TMBIM4: variants seen among roughly 807,000 people sequenced by gnomAD.
TMBIM4 encodes transmembrane BAX inhibitor motif containing 4.
Under a neutral mutation model 27.7 loss-of-function variants are expected in TMBIM4, and 28 were observed. The observed-to-expected ratio is 1.01, with a 90% CI of 0.75 to 1.38. The LOEUF (loss-of-function observed/expected upper bound fraction) is 1.38. Ranked by LOEUF, TMBIM4 falls within the 40% of genes most tolerant of loss-of-function variation. The pLI is 0.00. For synonymous variants in TMBIM4, 115 were observed against 113.1 expected (o/e 1.02, Z -0.11); for missense variants, 265 against 277.5 (o/e 0.95, Z 0.32).
intron 1 of TMBIM4, among the ~76,000 whole-genome samples, chr12:66,162,038 G>A (rs928897845): frequency 1.3e-5 from 2 of 151,676 alleles, no homozygotes; most frequent in African/African-American, 4.8e-5. Context: ...CTTAAATCCA[G>A]GGCTCTTTCT....
At chr12:66,159,224 TC>T (rs1480386423) in intron 1 of TMBIM4, among the ~76,000 whole-genome samples, 1 of 152,202 alleles carries the variant, frequency 6.6e-6, no homozygotes, top group Non-Finnish European at 1.5e-5. Flanking sequence ...TGTGTGTGAT[TC>T]CATGACTAGG....
In TMBIM4 at chr12:66,152,307, A is replaced by AT. The variant is rs768793948; in HGVS notation, c.275dup (p.His92GlnfsTer2). On this transcript the variant is annotated frameshift_variant, in exon 3 of 7. Coordinates refer to ENST00000358230, the MANE Select transcript of TMBIM4 (RefSeq NM_016056.4). LOFTEE classifies it high-confidence loss of function. ...GTAGGTACAGGTTAAGGGGATACTT[A>AT]TGTCTGTTTAAAATCAACGCAAAAA... is the stretch of plus-strand genomic sequence containing the variant. The AT allele has an allele frequency of 1.9e-6, 3 of 1,609,538 alleles. No homozygotes were observed. The highest frequency in any genetic ancestry group is 2.5e-6 in the Non-Finnish European group (3 of 1,177,444).
intron 1 of TMBIM4, chr12:66,161,131 T>A (rs569778661): frequency 2.7e-5 from 4 of 146,310 alleles, no homozygotes; most frequent in African/African-American, 9.7e-5. Context: ...TCTCACATAA[T>A]TTTTTAGTAG....
At chr12:66,153,014 C>T (rs554101881) in intron 2 of TMBIM4, among the ~76,000 whole-genome samples, 1 of 152,126 alleles carries the variant, frequency 6.6e-6, no homozygotes, top group African/African-American at 2.4e-5. Flanking sequence ...TTTTCAAGTA[C>T]TGTCTTAGGC....
At chr12:66,140,292 C>T (rs1457875174) in intron 5 of TMBIM4, among the ~76,000 whole-genome samples, 1 of 151,928 alleles carries the variant, frequency 6.6e-6, no homozygotes, top group Non-Finnish European at 1.5e-5. Flanking sequence ...ATGGAAGATA[C>T]TATTTTTTTT....
At chr12:66,166,464 CAAAAAAAA>C (rs59822799) in intron 1 of TMBIM4, among the ~76,000 whole-genome samples, 28 of 100,686 alleles carry the variant, frequency 2.8e-4, no homozygotes, top group Non-Finnish European at 3.7e-4. Flanking sequence ...TACTTTGTCT[CAAAAAAAA>C]AAAAAAAAAA....
At chr12:66,142,243 A>G (rs1372169829) in intron 5 of TMBIM4, among the ~76,000 whole-genome samples, 1 of 151,802 alleles carries the variant, frequency 6.6e-6, no homozygotes, top group Non-Finnish European at 1.5e-5. Context: ...TGGCATACCT[A>G]AGTGAGAATG....
Position 66,137,591 on chromosome 12 carries a change from T to A in TMBIM4, c.*369A>T, listed in dbSNP as rs11833265. 1 of 203,170 alleles carries A rather than the reference T, an allele frequency of 4.9e-6. No homozygotes were observed. Among genetic ancestry groups the A allele is most frequent in the African/African-American group, 2.4e-5 (1 of 41,832 alleles). 12.6% of individuals were successfully genotyped at this position (203,170 alleles called of 1,614,324 possible). Reference sequence around the variant, plus strand: ...TTGTATTTTTAGTAGAGACGGGGTTTCACCATGTTGGCCAGGATGGTCTCA... The same window carrying A: ...TTGTATTTTTAGTAGAGACGGGGTTACACCATGTTGGCCAGGATGGTCTCA... On this transcript the variant is annotated 3_prime_UTR_variant, in exon 7 of 7. Transcript: ENST00000358230.
At position 66,153,553 on chromosome 12, in the gene TMBIM4, C is replaced by T. The variant is rs886189087; in HGVS notation, c.98-105G>A. 3.1e-5 allele frequency: 17 copies of T among 546,140 alleles called. 1 individual carries two copies. The highest frequency in any genetic ancestry group is 1.4e-4 in the East Asian group (4 of 28,910). The allele number at this position is 546,140 out of a possible 1,614,324, so 33.8% of individuals were successfully genotyped here. On this transcript the variant is annotated intron_variant, in intron 1 of 6. Coordinates refer to ENST00000358230, the MANE Select transcript of TMBIM4 (RefSeq NM_016056.4). Reference sequence around the variant, plus strand: ...AATTGTTTTTTACACGTATTCTTTCCTAATTTTCCTCCTAATAATGTAATG... The same window carrying T: ...AATTGTTTTTTACACGTATTCTTTCTTAATTTTCCTCCTAATAATGTAATG...
intron 5 of TMBIM4, chr12:66,139,737 T>C (rs1232180428): frequency 2.2e-6 from 1 of 456,002 alleles, no homozygotes; most frequent in Non-Finnish European, 4.4e-6. Flanking sequence ...GTAGCTACAT[T>C]CTGATTAATA....
chr12:66,136,311 C>A lies in TMBIM4; in HGVS notation c.*1649G>T, dbSNP rs2051580665. The A allele has an allele frequency of 6.6e-6, 1 of 152,262 alleles. No individual in the cohort carries two copies. The highest frequency in any genetic ancestry group is 1.5e-5 in the Non-Finnish European group (1 of 68,096). 9.4% of individuals were successfully genotyped at this position (152,262 alleles called of 1,614,324 possible). ...ATGATTCTAATCTAGATGCTCTTACCCACCATGCTGTTAAACTTGATTGCA... is the reference window on the plus strand; with the variant it reads ...ATGATTCTAATCTAGATGCTCTTACACACCATGCTGTTAAACTTGATTGCA... On this transcript the variant is annotated 3_prime_UTR_variant, in exon 7 of 7. Transcript: ENST00000358230.
intron 1 of TMBIM4, among the ~76,000 whole-genome samples, chr12:66,163,845 G>A (rs2052082177): frequency 6.6e-6 from 1 of 152,196 alleles, no homozygotes; most frequent in African/African-American, 2.4e-5. Context: ...TATGGAGCCT[G>A]CATTACCCTG....
chr12:66,138,175 A>C lies in TMBIM4; in HGVS notation c.511-9T>G. ...TCACTATAAAAAAAAAACTATAGGG[A>C]AGAGATTAAAGAAATATGTTTATAT... is the stretch of plus-strand genomic sequence containing the variant. On this transcript the variant is annotated splice_polypyrimidine_tract_variant and intron_variant, in intron 6 of 6. Transcript: ENST00000358230. 3.1e-6 allele frequency: 5 copies of C among 1,602,362 alleles called. No individual in the cohort carries two copies. The highest frequency in any genetic ancestry group is 4.3e-6 in the Non-Finnish European group (5 of 1,176,148).
rs1477075222 is a variant in TMBIM4, at chr12:66,169,871, G to C, written c.81C>G (p.Thr27=). The change falls in exon 1 of 7, where the codon ACC becomes ACG. Residue 27 remains threonine (T), a synonymous_variant. Coordinates refer to ENST00000358230, the MANE Select transcript of TMBIM4 (RefSeq NM_016056.4). The part of the protein sequence containing the change: ...FNYGSSVASA[T]VHIRMAFLRK... ...ACAACGTACCCATTCGGATGTGCAC[G>C]GTGGCGGAGGCCACGCTGCTGCCAT... The C allele has an allele frequency of 6.6e-7, 1 of 1,509,838 alleles. No homozygotes were observed. Among genetic ancestry groups the C allele is most frequent in the Non-Finnish European group, 8.9e-7 (1 of 1,129,468 alleles). 93.5% of individuals were successfully genotyped at this position (1,509,838 alleles called of 1,614,324 possible). A position where few individuals can be genotyped will look rare whatever the true frequency, so the allele number is the denominator to read the frequency against.
intron 3 of TMBIM4, among the ~76,000 whole-genome samples, chr12:66,150,082 C>G (rs1565784374): frequency 6.6e-6 from 1 of 152,276 alleles, no homozygotes; most frequent in South Asian, 2.1e-4. Flanking sequence ...ATTATCTTGC[C>G]TATAAGCATT....
chr12:66,162,126 C>T (rs766751649), intron 1 of TMBIM4, among the ~76,000 whole-genome samples: 1 of 152,078 alleles, frequency 6.6e-6, no homozygotes, highest in Non-Finnish European at 1.5e-5. Context: ...ATGCCATTCC[C>T]ACCTTTCCAT....
intron 4 of TMBIM4, among the ~76,000 whole-genome samples, chr12:66,147,500 A>G (rs908508895): frequency 6.6e-6 from 1 of 152,240 alleles, no homozygotes; most frequent in Non-Finnish European, 1.5e-5. Flanking sequence ...AAATATGAGG[A>G]TATAATGTTA....
intron 5 of TMBIM4, chr12:66,139,721 G>T: frequency 2.2e-6 from 1 of 456,036 alleles, no homozygotes; most frequent in Non-Finnish European, 4.4e-6. Flanking sequence ...GATTCCCCTA[G>T]AGTCTGTAGC....
At chr12:66,168,220 CAAAA>C (rs762237233) in intron 1 of TMBIM4, among the ~76,000 whole-genome samples, 2 of 79,256 alleles carry the variant, frequency 2.5e-5, no homozygotes, top group Non-Finnish European at 2.6e-5. Context: ...GACCCTGTCT[CAAAA>C]AAAAAAAAAA....
Sources: gnomAD v4.1 joint callset for allele counts (sites outside exome capture counted in the v4.1 genomes callset) on GRCh38, gnomAD v4.1.1 for gene constraint, MANE v1.5 for transcripts, NCBI Gene and HGNC (gene_info 2026-07-23, HGNC 2026-07-21) for gene names.